The following PTPRD variants were observed in gnomAD, a reference collection of about 807,000 sequenced individuals.
The protein encoded by PTPRD is receptor-type tyrosine-protein phosphatase delta.
PTPRD carries 34 observed loss-of-function variants against 214.5 expected under a neutral mutation model. The ratio of observed to expected loss-of-function variants is 0.16; its 90% confidence interval spans 0.12 to 0.21. The LOEUF (loss-of-function observed/expected upper bound fraction) is 0.21. Among genes scored for constraint, PTPRD ranks in the 10% least tolerant of loss-of-function variants. The probability of loss-of-function intolerance (pLI) is 1.00; values close to 1 mark genes in which losing one functional copy is unlikely to be tolerated. For missense variants in PTPRD, 2,545 were observed against 2,398.7 expected (o/e 1.06, Z -1.27); for synonymous variants, 1,128 against 845.7 (o/e 1.33, Z -5.79).
chr9:10,197,469 T>C (rs900124370), intron 3 of PTPRD, among the ~76,000 whole-genome samples: 4 of 152,136 alleles, frequency 2.6e-5, no homozygotes, highest in Admixed American at 2.6e-4. Flanking sequence ...ACAGGAGGCA[T>C]TACTCCCTAT....
At chr9:9,754,116 C>T (rs1389811153) in intron 6 of PTPRD, among the ~76,000 whole-genome samples, 1 of 152,010 alleles carries the variant, frequency 6.6e-6, no homozygotes. Context: ...TCAGTAAAAA[C>T]TGATTGCTTG....
chr9:9,275,102 AATATATTATAT>A lies in PTPRD; in HGVS notation c.-202-91750_-202-91740del, dbSNP rs1944669392. 8.2e-5 allele frequency among the ~76,000 whole-genome samples: 5 copies of A among 60,696 alleles called. No homozygotes were observed. In the South Asian group the frequency reaches 1.1e-3, roughly 13 times the overall value. The allele number at this position is 60,696 out of a possible 152,430, so 39.8% of individuals were successfully genotyped here. ...TATATAATATATATGTTATATATATAATATATTATATATATATTATATATATTATATATAAT... is the reference window on the plus strand; with the variant it reads ...TATATAATATATATGTTATATATATAATATATTATATATATTATATATAAT... On this transcript the variant is annotated intron_variant, in intron 9 of 45. Transcript: ENST00000381196.
intron 14 of PTPRD, among the ~76,000 whole-genome samples, chr9:8,625,123 C>G (rs1203606279): frequency 1.3e-5 from 2 of 151,578 alleles, no homozygotes; most frequent in African/African-American, 4.8e-5. Flanking sequence ...ATAAAAGTCT[C>G]AAGACATAAA....
intron 10 of PTPRD, among the ~76,000 whole-genome samples, chr9:9,080,786 G>C (rs142599510): frequency 6.6e-6 from 1 of 152,116 alleles, no homozygotes; most frequent in Non-Finnish European, 1.5e-5. Flanking sequence ...TATTTGCATA[G>C]AGGTGTTTAC....
At chr9:9,130,147 T>C (rs1452316436) in intron 10 of PTPRD, among the ~76,000 whole-genome samples, 1 of 152,118 alleles carries the variant, frequency 6.6e-6, no homozygotes, top group Non-Finnish European at 1.5e-5. Flanking sequence ...TCAGGGGGGC[T>C]TGGGCAATGT....
At chr9:8,450,541 T>C (rs574855008) in intron 33 of PTPRD, among the ~76,000 whole-genome samples, 1 of 152,314 alleles carries the variant, frequency 6.6e-6, no homozygotes, top group East Asian at 1.9e-4. Flanking sequence ...TAATTTCACC[T>C]GGTGGGTAGA....
At chr9:8,857,485 G>A (rs2097947444) in intron 11 of PTPRD, among the ~76,000 whole-genome samples, 1 of 152,178 alleles carries the variant, frequency 6.6e-6, no homozygotes, top group South Asian at 2.1e-4. Flanking sequence ...AGCAAACTGT[G>A]CGCTCCGGTG....
chr9:9,141,389 T>A (rs2154481053), intron 10 of PTPRD, among the ~76,000 whole-genome samples: 1 of 152,142 alleles, frequency 6.6e-6, no homozygotes, highest in East Asian at 1.9e-4. Flanking sequence ...GCAGTGAAAT[T>A]GTTGGGTAGT....
intron 9 of PTPRD, among the ~76,000 whole-genome samples, chr9:9,286,322 G>T (rs1371471219): frequency 1.3e-5 from 2 of 151,818 alleles, no homozygotes; most frequent in East Asian, 3.9e-4. Context: ...GTCCCAGCAG[G>T]GCTATAAATT....
At chr9:10,103,525 A>T (rs1186269691) in intron 3 of PTPRD, among the ~76,000 whole-genome samples, 1 of 151,246 alleles carries the variant, frequency 6.6e-6, no homozygotes, top group African/African-American at 2.4e-5. Context: ...ACTACCCAAG[A>T]GTCTCATTAG....
chr9:9,916,300 T>C (rs2080788211), intron 5 of PTPRD, among the ~76,000 whole-genome samples: 1 of 151,610 alleles, frequency 6.6e-6, no homozygotes, highest in South Asian at 2.1e-4. Flanking sequence ...AATTCACTGA[T>C]ACACACAGGA....
At chr9:10,044,092 G>A (rs291267) in intron 3 of PTPRD, among the ~76,000 whole-genome samples, 55,756 of 151,316 alleles carry the variant, frequency 0.37, 10,757 homozygotes, top group African/African-American at 0.48. Flanking sequence ...ACCAGGGGAA[G>A]TTGTTTCTTG....
intron 4 of PTPRD, among the ~76,000 whole-genome samples, chr9:9,999,011 G>C (rs772961091): frequency 6.6e-6 from 1 of 152,170 alleles, no homozygotes; most frequent in Non-Finnish European, 1.5e-5. Flanking sequence ...AGATGAGGTA[G>C]CCAAAGGAAA....
chr9:10,504,161 A>G lies in PTPRD; in HGVS notation c.-600+108237T>C, dbSNP rs139713559. On this transcript the variant is annotated intron_variant, in intron 2 of 45. Transcript: ENST00000381196. ...AAAAAAGATGTACGGGGAAAGTGTC[A>G]TTGAATGGCGATTCTTGAGTCTAAA... Among the ~76,000 whole-genome samples the G allele has an allele frequency of 6.9e-5, 10 of 145,026 alleles. No homozygotes were observed. In the East Asian group the frequency reaches 1.9e-3, roughly 28 times the overall value.
intron 11 of PTPRD, among the ~76,000 whole-genome samples, chr9:8,808,304 A>G (rs1218377903): frequency 1.3e-5 from 2 of 152,174 alleles, no homozygotes; most frequent in Non-Finnish European, 2.9e-5. Flanking sequence ...TCCCTCCACC[A>G]CAATCCTACT....
At chr9:10,563,586 T>A (rs375488956) in intron 2 of PTPRD, among the ~76,000 whole-genome samples, 3 of 152,184 alleles carry the variant, frequency 2.0e-5, no homozygotes, top group East Asian at 1.9e-4. Flanking sequence ...TTTATTTCAA[T>A]GTAGAAATTC....
intron 11 of PTPRD, among the ~76,000 whole-genome samples, chr9:8,919,860 T>C (rs1317946227): frequency 2.7e-5 from 4 of 150,818 alleles, no homozygotes; most frequent in Non-Finnish European, 5.9e-5. Context: ...CATGCATACA[T>C]AGATGTACAT....
intron 5 of PTPRD, among the ~76,000 whole-genome samples, chr9:9,872,958 C>A (rs1045010798): frequency 3.5e-4 from 53 of 152,150 alleles, no homozygotes; most frequent in African/African-American, 1.3e-3. Flanking sequence ...GGCCAAATAA[C>A]TCAACAATCA....
chr9:9,571,421 G>A (rs1383366712), intron 8 of PTPRD, among the ~76,000 whole-genome samples: 2 of 151,054 alleles, frequency 1.3e-5, no homozygotes, highest in Non-Finnish European at 3.0e-5. Flanking sequence ...TTTATATTAT[G>A]GCTGTTATAT....
Sources: allele counts gnomAD v4.1 joint callset (sites outside exome capture counted in the v4.1 genomes callset), GRCh38; gene constraint gnomAD v4.1.1; transcripts MANE v1.5; gene names NCBI Gene and HGNC (gene_info 2026-07-23, HGNC 2026-07-21).